MEGF6: variants seen among roughly 807,000 people sequenced by gnomAD.
The protein encoded by MEGF6 is multiple epidermal growth factor-like domains protein 6.
MEGF6 carries 184 observed loss-of-function variants against 207.1 expected under a neutral mutation model. The observed-to-expected ratio is 0.89, with a 90% confidence interval of 0.79 to 1.00. MEGF6 has a LOEUF of 1.00. MEGF6 is among the 50% of genes least tolerant of loss of function. MEGF6 has a pLI of 0.00. For synonymous variants in MEGF6, 1,038 were observed against 910.0 expected, an observed-to-expected ratio of 1.14 and a Z score of -2.53; for missense variants, 2,282 against 2,202.9, an observed-to-expected ratio of 1.04 and a Z score of -0.72.
At chr1:3,522,560 C>T (rs1392170902) in intron 5 of MEGF6, among the ~76,000 whole-genome samples, 1 of 134,302 alleles carries the variant, frequency 7.4e-6, no homozygotes, top group Non-Finnish European at 1.5e-5. Context: ...CCAGAAGGCC[C>T]GGCTATAGGA....
At chr1:3,616,579 G>A in the MEGF6 span, among the ~76,000 whole-genome samples, 7 of 151,734 alleles carry the variant, frequency 4.6e-5, no homozygotes, top group African/African-American at 1.5e-4. Context: ...GTGGGAGGCC[G>A]GGGGTGAGAG....
upstream of MEGF6, among the ~76,000 whole-genome samples, chr1:3,614,213 C>T (rs974636463): frequency 1.2e-4 from 18 of 152,188 alleles, no homozygotes; most frequent in African/African-American, 4.1e-4. Flanking sequence ...TGGGGCTGTC[C>T]GTGCCCCTAT....
In MEGF6 at chr1:3,488,834, T is replaced by C. The variant is rs1569903763; in HGVS notation, c.*1694A>G. Among the ~76,000 whole-genome samples the C allele has an allele frequency of 1.3e-5, 2 of 152,350 alleles. No individual in the cohort carries two copies. Among genetic ancestry groups the C allele is most frequent in the Middle Eastern group, 3.4e-3 (1 of 294 alleles). ...TATGTTATTTTTCCACCTTGTGCAT[T>C]TCCAGGCTGACTGAGATCATTCACC... On this transcript the variant is annotated 3_prime_UTR_variant, in exon 37 of 37. Transcript: ENST00000356575.
At position 3,578,709 on chromosome 1, in the gene MEGF6, C is replaced by T. The variant is rs561763771; in HGVS notation, c.481+1116G>A. On this transcript the variant is annotated intron_variant, in intron 4 of 36. Coordinates refer to ENST00000356575, the MANE Select transcript of MEGF6 (RefSeq NM_001409.4). ...AATAAACCCTCCAGCACCAACTGTC[C>T]GCCTTTCCAACAATGGCCAATGCCC... is the stretch of plus-strand genomic sequence containing the variant. Among the ~76,000 whole-genome samples the T allele has an allele frequency of 2.6e-4, 19 of 73,204 alleles. No individual in the cohort carries two copies. The South Asian group carries it at 2.6e-3, about 10-fold the overall frequency. The allele number at this position is 73,204 out of a possible 152,430, so 48.0% of individuals were successfully genotyped here.
At chr1:3,501,976 G>C in intron 17 of MEGF6, 55 bp from the exon 18 acceptor site, 2 of 1,108,088 alleles carry the variant, frequency 1.8e-6, no homozygotes, top group South Asian at 1.9e-5. Context: ...GGACTGACCA[G>C]AGCCTTTCCC....
intron 4 of MEGF6, among the ~76,000 whole-genome samples, chr1:3,531,891 G>A (rs1642189748): frequency 6.6e-6 from 1 of 152,202 alleles, no homozygotes; most frequent in Admixed American, 6.5e-5. Context: ...GACAAGGGTG[G>A]GGAAGATGGG....
intron 2 of MEGF6, among the ~76,000 whole-genome samples, chr1:3,598,659 C>T (rs886755382): frequency 1.6e-4 from 25 of 151,590 alleles, no homozygotes; most frequent in Admixed American, 1.2e-3. Context: ...CCAGCCCACA[C>T]GGGCTCCAAC....
chr1:3,538,366 G>A (rs1642396909), intron 4 of MEGF6, among the ~76,000 whole-genome samples: 1 of 152,216 alleles, frequency 6.6e-6, no homozygotes, highest in South Asian at 2.1e-4. Flanking sequence ...GCCTGGCAGG[G>A]GCCTCCCCGA....
At chr1:3,532,838 G>A (rs145868414) in intron 4 of MEGF6, among the ~76,000 whole-genome samples, 1,738 of 152,326 alleles carry the variant, frequency 0.011, 39 homozygotes, top group African/African-American at 0.04. Flanking sequence ...TGCGGCCGCT[G>A]TGCCAGGCCC....
intron 4 of MEGF6, among the ~76,000 whole-genome samples, chr1:3,551,149 C>G (rs911717463): frequency 6.6e-6 from 1 of 152,294 alleles, no homozygotes; most frequent in South Asian, 2.1e-4. Flanking sequence ...TGTGAGGCTG[C>G]CAGACCCAGC....
At chr1:3,515,577 ACAGT>A in intron 5 of MEGF6, 50 bp from the exon 6 acceptor site, 1 of 1,590,452 alleles carries the variant, frequency 6.3e-7, no homozygotes, top group Non-Finnish European at 8.6e-7. Flanking sequence ...TGCCTGGCCG[ACAGT>A]CTGTCCCTGG....
intron 4 of MEGF6, among the ~76,000 whole-genome samples, chr1:3,545,729 T>C (rs1642680611): frequency 6.6e-6 from 1 of 152,186 alleles, no homozygotes; most frequent in Non-Finnish European, 1.5e-5. Flanking sequence ...TGGCGGGGAC[T>C]GTGCCACAGG....
chr1:3,616,578 C>T, the MEGF6 span, among the ~76,000 whole-genome samples: 3 of 151,568 alleles, frequency 2.0e-5, no homozygotes, highest in East Asian at 1.9e-4. Flanking sequence ...GGTGGGAGGC[C>T]GGGGGTGAGA....
At chr1:3,498,329 C>A in intron 26 of MEGF6, 42 bp downstream of exon 26, 1 of 1,574,078 alleles carries the variant, frequency 6.4e-7, no homozygotes, top group South Asian at 1.1e-5. Context: ...CACCCCTTCC[C>A]AGCAGGGCCT....
chr1:3,523,077 G>A (rs1001727146), intron 5 of MEGF6, among the ~76,000 whole-genome samples: 14 of 146,802 alleles, frequency 9.5e-5, no homozygotes, highest in Admixed American at 2.0e-4. Flanking sequence ...TGTGTGCCGG[G>A]GGGGGGGCCC....
chr1:3,621,692 C>T, the MEGF6 span, among the ~76,000 whole-genome samples: 3 of 152,188 alleles, frequency 2.0e-5, no homozygotes, highest in African/African-American at 7.2e-5. Flanking sequence ...CCTCCAGACC[C>T]CAGAATGGTA....
At position 3,546,812 on chromosome 1, in the gene MEGF6, G is replaced by GCCA. The variant is rs1169626939; in HGVS notation, c.482-22567_482-22566insTGG. On this transcript the variant is annotated intron_variant, in intron 4 of 36. Coordinates refer to ENST00000356575, the MANE Select transcript of MEGF6 (RefSeq NM_001409.4). ...TGGGAAGGGGGCTGCCAGGGAGGCC[G>GCCA]AGGTGGGGTGGCAGTGGGCTGGGAA... Among the ~76,000 whole-genome samples, 677 of 145,382 alleles carry GCCA rather than the reference G, an allele frequency of 4.7e-3. 12 individuals carry two copies. The highest frequency in any genetic ancestry group is 7.8e-3 in the Non-Finnish European group (506 of 65,092).
chr1:3,570,926 C>T (rs537059762), intron 4 of MEGF6, among the ~76,000 whole-genome samples: 7 of 152,314 alleles, frequency 4.6e-5, no homozygotes, highest in African/African-American at 1.7e-4. Flanking sequence ...TCCCCAGGGA[C>T]AGGGCCCCAG....
chr1:3,541,836 G>T (rs933190314), intron 4 of MEGF6, among the ~76,000 whole-genome samples: 1 of 152,112 alleles, frequency 6.6e-6, no homozygotes, highest in African/African-American at 2.4e-5. Flanking sequence ...CACCGTGGGG[G>T]GAGTCTCTGG....
Sources: allele counts gnomAD v4.1 joint callset (sites outside exome capture counted in the v4.1 genomes callset), GRCh38; gene constraint gnomAD v4.1.1; transcripts MANE v1.5; gene names NCBI Gene and HGNC (gene_info 2026-07-23, HGNC 2026-07-21).